KCNK13: variants seen among roughly 807,000 people sequenced by gnomAD.
KCNK13 encodes the protein potassium channel subfamily K member 13.
In KCNK13, 12 loss-of-function variants were observed where a neutral mutation model predicts 23.4. The ratio of observed to expected loss-of-function variants is 0.51; its 90% CI spans 0.33 to 0.83. The LOEUF is 0.83. Ranked by LOEUF, KCNK13 falls within the 40% of genes least tolerant of loss-of-function variation. The probability of loss-of-function intolerance (pLI) is 0.02; values close to 1 mark genes in which losing one functional copy is unlikely to be tolerated. For missense variants in KCNK13, 463 were observed against 556.3 expected, an observed-to-expected ratio of 0.83 and a Z score of 1.69; for synonymous variants, 231 against 229.5, an observed-to-expected ratio of 1.01 and a Z score of -0.06.
intron 1 of KCNK13, among the ~76,000 whole-genome samples, chr14:90,132,070 T>C (rs1224973962): frequency 6.6e-6 from 1 of 152,246 alleles, no homozygotes; most frequent in African/African-American, 2.4e-5. Context: ...AAATGTGGTC[T>C]ATACATACAA....
At chr14:90,123,315 G>A (rs1889760234) in intron 1 of KCNK13, among the ~76,000 whole-genome samples, 2 of 152,206 alleles carry the variant, frequency 1.3e-5, no homozygotes. Flanking sequence ...GGTCTCATCT[G>A]AGACCTCTCT....
chr14:90,075,404 C>G (rs1889122681), intron 1 of KCNK13, among the ~76,000 whole-genome samples: 1 of 152,174 alleles, frequency 6.6e-6, no homozygotes, highest in Admixed American at 6.5e-5. Flanking sequence ...GACATTTTTA[C>G]ATCTTGGAAT....
At chr14:90,090,892 C>A (rs1745071045) in intron 1 of KCNK13, among the ~76,000 whole-genome samples, 2 of 152,192 alleles carry the variant, frequency 1.3e-5, no homozygotes, top group Admixed American at 6.5e-5. Context: ...GACTGTGAGG[C>A]CTTCCCAGCC....
At chr14:90,154,679 C>A (rs574946467) in intron 1 of KCNK13, among the ~76,000 whole-genome samples, 2 of 152,284 alleles carry the variant, frequency 1.3e-5, no homozygotes, top group South Asian at 4.1e-4. Context: ...TTATAAAAAA[C>A]CAATCAGTTT....
chr14:90,115,702 AAG>A (rs1482096673), intron 1 of KCNK13, among the ~76,000 whole-genome samples: 1 of 152,246 alleles, frequency 6.6e-6, no homozygotes, highest in African/African-American at 2.4e-5. Flanking sequence ...TATTAAAAAA[AAG>A]AAAAAAAACA....
Position 90,184,305 on chromosome 14 carries a change from A to C in KCNK13, c.529A>C (p.Lys177Gln), listed in dbSNP as rs962776313. The part of the protein sequence containing the change: ...RRGALPQESL[K>Q]DAGQCEVDSL... Reference sequence around the variant, plus strand: ...AGGGGCCCTGCCCCAGGAGAGCCTGAAGGATGCGGGGCAGTGTGAGGTGGA... The same window carrying C: ...AGGGGCCCTGCCCCAGGAGAGCCTGCAGGATGCGGGGCAGTGTGAGGTGGA... Residue 177 changes from lysine (K) to glutamine (Q), a missense_variant, in exon 2 of 2, where the codon AAG becomes CAG. Coordinates refer to ENST00000282146, the MANE Select transcript of KCNK13 (RefSeq NM_022054.4). The surrounding 1 kb of genome is among the most constrained non-coding windows in gnomAD (Gnocchi z 5.6). The C allele has an allele frequency of 6.2e-7, 1 of 1,614,114 alleles. No homozygotes were observed. The highest frequency in any genetic ancestry group is 1.3e-5 in the African/African-American group (1 of 74,952).
intron 1 of KCNK13, among the ~76,000 whole-genome samples, chr14:90,155,419 G>T (rs1443242420): frequency 6.6e-6 from 1 of 152,162 alleles, no homozygotes; most frequent in African/African-American, 2.4e-5. Flanking sequence ...TTCACACCAG[G>T]TGAATGGGGG....
intron 1 of KCNK13, among the ~76,000 whole-genome samples, chr14:90,080,836 G>A (rs1214959723): frequency 1.3e-5 from 2 of 152,246 alleles, no homozygotes; most frequent in African/African-American, 4.8e-5. Context: ...TGTGACCCTG[G>A]AGCAAGGTTT....
At chr14:90,145,027 A>C (rs1890057443) in intron 1 of KCNK13, among the ~76,000 whole-genome samples, 1 of 152,092 alleles carries the variant, frequency 6.6e-6, no homozygotes, top group Non-Finnish European at 1.5e-5. Context: ...GGATTTTGTC[A>C]ATGATTGTTC....
In KCNK13 at chr14:90,184,858, C is replaced by T; in HGVS notation, c.1082C>T (p.Ala361Val). 6.2e-7 allele frequency: 1 copy of T among 1,613,808 alleles called. No homozygotes were observed. Among genetic ancestry groups the T allele is most frequent in the Non-Finnish European group, 8.5e-7 (1 of 1,179,952 alleles). The change falls in exon 2 of 2, where the codon GCC becomes GTC. Residue 361 changes from alanine to valine, a missense_variant. Physicochemically the swap from Ala to Val is moderately conservative, Grantham distance 64. This residue lies in a region of KCNK13 where 166 missense variants were observed against 178.8 expected (regional missense o/e 0.93). Transcript: ENST00000282146. The surrounding 1 kb of genome is among the most constrained non-coding windows in gnomAD (Gnocchi z 5.6). ...CTGGCAGCCAACAAGGCCTCGTTGG[C>T]CATCCTGCAGAAGCAACTGTCTGAG... ...DLLAANKASL[A>V]ILQKQLSEMA...
At chr14:90,137,967 G>C (rs1351549535) in intron 1 of KCNK13, among the ~76,000 whole-genome samples, 1 of 152,146 alleles carries the variant, frequency 6.6e-6, no homozygotes, top group Non-Finnish European at 1.5e-5. Flanking sequence ...ATCTATGGTG[G>C]AGTAGGGAGA....
rs866283595 is a variant in KCNK13, at chr14:90,085,790, A to G, written c.334+23251A>G. ...ATAAATTATATATATTATATATTATATACTTTATATTATATATTATATTAT... is the reference window on the plus strand; with the variant it reads ...ATAAATTATATATATTATATATTATGTACTTTATATTATATATTATATTAT... On this transcript the variant is annotated intron_variant, in intron 1 of 1. Coordinates refer to ENST00000282146, the MANE Select transcript of KCNK13 (RefSeq NM_022054.4). 3.4e-3 allele frequency among the ~76,000 whole-genome samples: 313 copies of G among 93,374 alleles called. 1 individual carries two copies. Among genetic ancestry groups the G allele is most frequent in the African/African-American group, 0.014 (308 of 21,824 alleles). The allele number at this position is 93,374 out of a possible 152,430, so 61.3% of individuals were successfully genotyped here.
At chr14:90,119,722 C>T (rs936486782) in intron 1 of KCNK13, among the ~76,000 whole-genome samples, 2 of 152,108 alleles carry the variant, frequency 1.3e-5, no homozygotes, top group African/African-American at 4.8e-5. Flanking sequence ...GCCTCAGCCT[C>T]CCAGGTAGCT....
chr14:90,131,469 A>C (rs1264354411), intron 1 of KCNK13, among the ~76,000 whole-genome samples: 2 of 152,096 alleles, frequency 1.3e-5, no homozygotes, highest in African/African-American at 4.8e-5. Context: ...TGACCTCGTG[A>C]TCTGCCTGCC....
chr14:90,090,899 A>G (rs1889337010), intron 1 of KCNK13, among the ~76,000 whole-genome samples: 1 of 152,140 alleles, frequency 6.6e-6, no homozygotes, highest in Admixed American at 6.5e-5. Context: ...AGGCCTTCCC[A>G]GCCATGTGGA....
intron 1 of KCNK13, among the ~76,000 whole-genome samples, chr14:90,102,652 G>T (rs562729770): frequency 6.6e-6 from 1 of 152,124 alleles, no homozygotes; most frequent in African/African-American, 2.4e-5. Flanking sequence ...GTGCTTTTCC[G>T]CAGAGCTTCT....
chr14:90,128,957 C>T (rs943003877), intron 1 of KCNK13, among the ~76,000 whole-genome samples: 12 of 152,172 alleles, frequency 7.9e-5, no homozygotes, highest in South Asian at 2.1e-4. Flanking sequence ...TCTTCCTCCC[C>T]GCCCCCTAAG....
intron 1 of KCNK13, among the ~76,000 whole-genome samples, chr14:90,103,240 G>GA (rs1889502850): frequency 6.6e-6 from 1 of 152,210 alleles, no homozygotes; most frequent in South Asian, 2.1e-4. Flanking sequence ...GCAAGGTGAG[G>GA]AACATACCAG....
chr14:90,069,206 T>C (rs1889045814), intron 1 of KCNK13, among the ~76,000 whole-genome samples: 1 of 151,832 alleles, frequency 6.6e-6, no homozygotes, highest in Admixed American at 6.6e-5. Context: ...CCAGCTAATT[T>C]TTGTATTTTT....
Sources: gnomAD v4.1 joint callset for allele counts (sites outside exome capture counted in the v4.1 genomes callset) on GRCh38, gnomAD v4.1.1 for gene constraint, gnomAD v4.1.1 regional missense constraint, Gnocchi (gnomAD v3.1) non-coding constraint, MANE v1.5 for transcripts, NCBI Gene and HGNC (gene_info 2026-07-23, HGNC 2026-07-21) for gene names.